Variants in MTPN observed in about 807,000 individuals in gnomAD.
MTPN encodes granule cell differentiation protein.
A neutral mutation model predicts 13.5 loss-of-function variants in MTPN; 2 were observed. The ratio of observed to expected loss-of-function variants is 0.15; its 90% CI spans 0.06 to 0.47. The LOEUF is 0.47. MTPN is among the 20% of genes least tolerant of loss of function. MTPN has a pLI of 0.97. For synonymous variants in MTPN, 46 were observed against 51.7 expected (o/e 0.89, Z 0.48); for missense variants, 79 against 137.9 (o/e 0.57, Z 2.14).
At chr7:135,946,492 A>G (rs1032932997) in intron 3 of MTPN, among the ~76,000 whole-genome samples, 3 of 151,980 alleles carry the variant, frequency 2.0e-5, no homozygotes, top group Non-Finnish European at 2.9e-5. Context: ...CATGGCCTGG[A>G]TATTTGTTTT....
intron 3 of MTPN, among the ~76,000 whole-genome samples, chr7:135,945,383 T>C (rs1210095298): frequency 6.6e-6 from 1 of 152,258 alleles, no homozygotes; most frequent in Non-Finnish European, 1.5e-5. Flanking sequence ...TTGACTGTTT[T>C]GTAATAAAGC....
intron 1 of MTPN, among the ~76,000 whole-genome samples, chr7:135,964,423 C>T (rs1252853727): frequency 6.6e-6 from 1 of 152,074 alleles, no homozygotes; most frequent in Non-Finnish European, 1.5e-5. Context: ...AACCAGCCTT[C>T]TCTTTCACTT....
chr7:135,970,534 T>C (rs900180521), intron 1 of MTPN, among the ~76,000 whole-genome samples: 7 of 152,142 alleles, frequency 4.6e-5, no homozygotes, highest in Admixed American at 3.3e-4. Context: ...GTAGGAAAAA[T>C]AGTCAATGGG....
chr7:135,942,651 CTG>C (rs1799232987), intron 3 of MTPN, among the ~76,000 whole-genome samples: 1 of 152,216 alleles, frequency 6.6e-6, no homozygotes, highest in Non-Finnish European at 1.5e-5. Flanking sequence ...GCCCTCAAAA[CTG>C]TACTTGTACA....
chr7:135,957,815 C>A (rs1423005975), intron 1 of MTPN, among the ~76,000 whole-genome samples: 1 of 152,058 alleles, frequency 6.6e-6, no homozygotes, highest in African/African-American at 2.4e-5. Flanking sequence ...GAGCCTGGCA[C>A]CTCCTCCCTC....
chr7:135,968,602 C>T (rs1410901478), intron 1 of MTPN, among the ~76,000 whole-genome samples: 1 of 152,066 alleles, frequency 6.6e-6, no homozygotes, highest in East Asian at 1.9e-4. Flanking sequence ...TCTAAACACA[C>T]TTCCTCTGTT....
At chr7:135,933,854 T>C (rs377733397) in intron 3 of MTPN, among the ~76,000 whole-genome samples, 2 of 152,304 alleles carry the variant, frequency 1.3e-5, no homozygotes, top group African/African-American at 4.8e-5. Context: ...TCACGGGTGC[T>C]AATGGTTTGG....
At chr7:135,934,169 T>C (rs1485058110) in intron 3 of MTPN, among the ~76,000 whole-genome samples, 2 of 152,158 alleles carry the variant, frequency 1.3e-5, no homozygotes, top group Non-Finnish European at 2.9e-5. Flanking sequence ...TCTGTTACTC[T>C]TAAGGTAAAT....
intron 1 of MTPN, among the ~76,000 whole-genome samples, chr7:135,972,915 G>A (rs1799717391): frequency 6.6e-6 from 1 of 152,022 alleles, no homozygotes; most frequent in Non-Finnish European, 1.5e-5. Context: ...AGCAGACTTG[G>A]TCAGGGAGGA....
chr7:135,931,821 T>G (rs531711936), intron 3 of MTPN, among the ~76,000 whole-genome samples: 1 of 152,206 alleles, frequency 6.6e-6, no homozygotes, highest in Admixed American at 6.5e-5. Context: ...TCTTGCTTTT[T>G]AAAATTTTAA....
chr7:135,959,177 T>C (rs1584815872), intron 1 of MTPN, among the ~76,000 whole-genome samples: 1 of 152,162 alleles, frequency 6.6e-6, no homozygotes, highest in East Asian at 1.9e-4. Flanking sequence ...TCTTGAAAGA[T>C]ACATATATCC....
intron 3 of MTPN, among the ~76,000 whole-genome samples, chr7:135,937,797 C>T (rs184785752): frequency 6.6e-6 from 1 of 152,164 alleles, no homozygotes; most frequent in Non-Finnish European, 1.5e-5. Context: ...CCTCAAGCTA[C>T]TTGAAGCAAA....
chr7:135,968,598 C>T (rs1188219334), intron 1 of MTPN, among the ~76,000 whole-genome samples: 1 of 152,084 alleles, frequency 6.6e-6, no homozygotes, highest in Non-Finnish European at 1.5e-5. Flanking sequence ...ATTATCTAAA[C>T]ACACTTCCTC....
intron 1 of MTPN, among the ~76,000 whole-genome samples, chr7:135,956,349 A>G (rs6972269): frequency 0.48 from 73,688 of 152,058 alleles, 18,215 homozygotes; most frequent in East Asian, 0.6. Flanking sequence ...CAGTTACAGA[A>G]AAAAATGAAA....
chr7:135,946,384 C>G (rs1799289210), intron 3 of MTPN, among the ~76,000 whole-genome samples: 1 of 152,206 alleles, frequency 6.6e-6, no homozygotes, highest in African/African-American at 2.4e-5. Context: ...CCTTGTAGCA[C>G]TTAGGGAAGC....
At chr7:135,936,538 T>C (rs1306224718) in intron 3 of MTPN, among the ~76,000 whole-genome samples, 1 of 152,204 alleles carries the variant, frequency 6.6e-6, no homozygotes, top group African/African-American at 2.4e-5. Flanking sequence ...AGGAACTTGA[T>C]AAAATAATTA....
chr7:135,973,142 C>A (rs1426013935), intron 1 of MTPN, among the ~76,000 whole-genome samples: 1 of 150,486 alleles, frequency 6.6e-6, no homozygotes, highest in East Asian at 2.1e-4. Flanking sequence ...AAAAAGATTA[C>A]ATGCTTATAT....
chr7:135,933,098 CA>C (rs56865854), intron 3 of MTPN, among the ~76,000 whole-genome samples: 13,023 of 63,032 alleles, frequency 0.21, 254 homozygotes, highest in South Asian at 0.26. Context: ...CACTCAGCCT[CA>C]AAAAAAAAAA....
chr7:135,972,715 T>A (rs1188804118), intron 1 of MTPN, among the ~76,000 whole-genome samples: 1 of 152,182 alleles, frequency 6.6e-6, no homozygotes, highest in East Asian at 2.0e-4. Context: ...GAAGCAGCAC[T>A]CTATGTGAAG....
Sources: gnomAD v4.1 joint callset for allele counts (sites outside exome capture counted in the v4.1 genomes callset) on GRCh38, gnomAD v4.1.1 for gene constraint, MANE v1.5 for transcripts, NCBI Gene and HGNC (gene_info 2026-07-23, HGNC 2026-07-21) for gene names.